ANKRD33B: variants seen among roughly 807,000 people sequenced by gnomAD.
The protein encoded by ANKRD33B is ankyrin repeat domain 33B, also known as ankyrin repeat domain-containing protein 33B.
Under a neutral mutation model 21.5 loss-of-function variants are expected in ANKRD33B, and 6 were observed. The ratio of observed to expected loss-of-function variants is 0.28; its 90% CI spans 0.15 to 0.55. ANKRD33B has a LOEUF of 0.55. Among genes scored for constraint, ANKRD33B ranks in the 20% least tolerant of loss-of-function variants. The pLI is 0.94. For synonymous variants in ANKRD33B, 347 were observed against 342.4 expected (o/e 1.01, Z -0.15); for missense variants, 698 against 747.2 (o/e 0.93, Z 0.77).
intron 3 of ANKRD33B, among the ~76,000 whole-genome samples, chr5:10,647,122 T>TG (rs1737205748): frequency 6.6e-6 from 1 of 152,108 alleles, no homozygotes; most frequent in Admixed American, 6.6e-5. Context: ...TTTTTTTTTT[T>TG]GAAATGGAGT....
At chr5:10,611,300 TCTTA>T (rs1343501971) in intron 1 of ANKRD33B, among the ~76,000 whole-genome samples, 1 of 152,174 alleles carries the variant, frequency 6.6e-6, no homozygotes, top group Non-Finnish European at 1.5e-5. Context: ...ATCTTACTTA[TCTTA>T]CTTTCTATTT....
intron 1 of ANKRD33B, among the ~76,000 whole-genome samples, chr5:10,579,068 G>A (rs938413156): frequency 6.6e-6 from 1 of 151,600 alleles, no homozygotes; most frequent in Admixed American, 6.6e-5. Context: ...GGAGGCTGAG[G>A]TTGGAGAATC....
At chr5:10,625,090 C>T (rs1214867565) in intron 2 of ANKRD33B, 2 of 250,104 alleles carry the variant, frequency 8.0e-6, no homozygotes, top group Non-Finnish European at 1.6e-5. Context: ...AGAGGCATCA[C>T]GGAATTAAAG....
chr5:10,575,974 C>A (rs966357323), intron 1 of ANKRD33B, among the ~76,000 whole-genome samples: 1 of 146,500 alleles, frequency 6.8e-6, no homozygotes, highest in Non-Finnish European at 1.5e-5. Context: ...TATAGATGGA[C>A]GTATACACAC....
rs181054749 is a variant in ANKRD33B, at chr5:10,648,673, C to G, written c.638-593C>G. Among the ~76,000 whole-genome samples, 937 of 151,386 alleles carry G rather than the reference C, an allele frequency of 6.2e-3. 11 individuals are homozygous for G. The highest frequency in any genetic ancestry group is 0.037 in the East Asian group (188 of 5,078). On this transcript the variant is annotated intron_variant, in intron 3 of 3. Coordinates refer to ENST00000296657, the MANE Select transcript of ANKRD33B (RefSeq NM_001164440.2). ...ACTCGGGAGGCTGAGGCAGGAGAGT[C>G]GCTTGAACCCGGGAGGCAGAGGTTG...
In ANKRD33B at chr5:10,650,208, C is replaced by T; in HGVS notation, c.*95C>T. ...GGAGGCGGCCCCGTTGCGCATCGCA[C>T]CACTTCCGCTCCATGGACCACGGGG... On this transcript the variant is annotated 3_prime_UTR_variant, in exon 4 of 4. Coordinates refer to ENST00000296657, the MANE Select transcript of ANKRD33B (RefSeq NM_001164440.2). 7.7e-7 allele frequency: 1 copy of T among 1,302,830 alleles called. No individual in the cohort carries two copies. Among genetic ancestry groups the T allele is most frequent in the Non-Finnish European group, 1.0e-6 (1 of 1,001,004 alleles). 80.7% of individuals were successfully genotyped at this position (1,302,830 alleles called of 1,614,324 possible). A position where few individuals can be genotyped will look rare whatever the true frequency, so the allele number is the denominator to read the frequency against.
At chr5:10,611,278 A>T (rs1306265755) in intron 1 of ANKRD33B, among the ~76,000 whole-genome samples, 1 of 152,152 alleles carries the variant, frequency 6.6e-6, no homozygotes, top group East Asian at 1.9e-4. Flanking sequence ...ACCAATGAAG[A>T]CATGGGTGTT....
In ANKRD33B at chr5:10,657,181, C is replaced by T. The variant is rs7735731; in HGVS notation, c.*7068C>T. On this transcript the variant is annotated 3_prime_UTR_variant, in exon 4 of 4. Transcript: ENST00000296657. ...GCGATGACAGGCCCAGAAATATGAC[C>T]AGCAAGCCCGTGAGCCTTTGGGGCA... The T allele has an allele frequency of 0.33, 50,924 of 152,242 alleles. 8,606 individuals are homozygous for T. The highest frequency in any genetic ancestry group is 0.41 in the African/African-American group (16,863 of 41,468). The allele number at this position is 152,242 out of a possible 1,614,324, so 9.4% of individuals were successfully genotyped here.
intron 2 of ANKRD33B, among the ~76,000 whole-genome samples, chr5:10,632,718 A>C (rs1206118856): frequency 1.3e-5 from 2 of 152,176 alleles, no homozygotes; most frequent in Non-Finnish European, 2.9e-5. Flanking sequence ...GCCAGCTGTG[A>C]ATCATGGTCC....
Position 10,651,268 on chromosome 5 carries a change from GT to G in ANKRD33B, c.*1158del, listed in dbSNP as rs1475581156. On this transcript the variant is annotated 3_prime_UTR_variant, in exon 4 of 4. Transcript: ENST00000296657. ...TTTTCCTTTGAGGACTGCGCTTGGTGTTTAGTTCATCCTTATGCCGACCTCT... is the reference window on the plus strand; with the variant it reads ...TTTTCCTTTGAGGACTGCGCTTGGTGTTAGTTCATCCTTATGCCGACCTCT... 3 of 152,370 alleles carry G rather than the reference GT, an allele frequency of 2.0e-5. No individual in the cohort carries two copies. The highest frequency in any genetic ancestry group is 7.2e-5 in the African/African-American group (3 of 41,452). 9.4% of individuals were successfully genotyped at this position (152,370 alleles called of 1,614,324 possible).
intron 1 of ANKRD33B, among the ~76,000 whole-genome samples, chr5:10,577,129 CCTTTT>C (rs1430140939): frequency 6.6e-6 from 1 of 151,710 alleles, no homozygotes; most frequent in Non-Finnish European, 1.5e-5. Context: ...TTCCCCTTCC[CCTTTT>C]CTTTTCTTCT....
At chr5:10,643,306 C>T (rs1375780278) in intron 3 of ANKRD33B, among the ~76,000 whole-genome samples, 1 of 152,134 alleles carries the variant, frequency 6.6e-6, no homozygotes, top group Non-Finnish European at 1.5e-5. Context: ...TCCCTGGCCT[C>T]TACCCACAAG....
rs932260836 is a variant in ANKRD33B at position 10,650,162 on chromosome 5, C to T, written c.*49C>T. Reference sequence around the variant, plus strand: ...GCCGGGGCTGGGGCCGGGGCGGGGCCGCAGGGCTGGGCGCGGAGAAGGAGG... The same window carrying T: ...GCCGGGGCTGGGGCCGGGGCGGGGCTGCAGGGCTGGGCGCGGAGAAGGAGG... On this transcript the variant is annotated 3_prime_UTR_variant, in exon 4 of 4. Coordinates refer to ENST00000296657, the MANE Select transcript of ANKRD33B (RefSeq NM_001164440.2). 4 of 1,415,636 alleles carry T rather than the reference C, an allele frequency of 2.8e-6. No individual in the cohort carries two copies. Among genetic ancestry groups the T allele is most frequent in the Non-Finnish European group, 9.2e-7 (1 of 1,091,282 alleles). 87.7% of individuals were successfully genotyped at this position (1,415,636 alleles called of 1,614,324 possible). A position where few individuals can be genotyped will look rare whatever the true frequency, so the allele number is the denominator to read the frequency against.
intron 3 of ANKRD33B, among the ~76,000 whole-genome samples, chr5:10,642,659 G>C (rs892820066): frequency 1.3e-5 from 2 of 152,184 alleles, no homozygotes; most frequent in Non-Finnish European, 2.9e-5. Context: ...ACAGCCCTCG[G>C]GTGCATGCTG....
At chr5:10,628,696 T>A (rs1345722326) in intron 2 of ANKRD33B, among the ~76,000 whole-genome samples, 2 of 152,190 alleles carry the variant, frequency 1.3e-5, no homozygotes, top group Non-Finnish European at 2.9e-5. Flanking sequence ...TGTTTCAGCC[T>A]TTTCATCTAA....
intron 1 of ANKRD33B, among the ~76,000 whole-genome samples, chr5:10,582,394 G>T (rs114885814): frequency 1.3e-5 from 2 of 152,200 alleles, no homozygotes; most frequent in Non-Finnish European, 2.9e-5. Context: ...TTTCCCAAGC[G>T]GGGGGGATGT....
intron 1 of ANKRD33B, among the ~76,000 whole-genome samples, chr5:10,606,753 G>A (rs1468158530): frequency 1.3e-5 from 2 of 150,328 alleles, no homozygotes; most frequent in African/African-American, 4.9e-5. Context: ...TTTTGAGGTG[G>A]AGTCTTGCTC....
At chr5:10,618,241 T>C in intron 1 of ANKRD33B, 92 bp from the exon 2 acceptor site, 1 of 1,502,250 alleles carries the variant, frequency 6.7e-7, no homozygotes, top group Non-Finnish European at 8.9e-7. Flanking sequence ...TCCAGCCCCC[T>C]GGAGGGTAGT....
chr5:10,592,140 G>A (rs1032906760), intron 1 of ANKRD33B, among the ~76,000 whole-genome samples: 2 of 151,972 alleles, frequency 1.3e-5, no homozygotes, highest in African/African-American at 4.8e-5. Flanking sequence ...TGTTGGTTGA[G>A]TCATCCATCA....
Sources: gnomAD v4.1 joint callset for allele counts (sites outside exome capture counted in the v4.1 genomes callset) on GRCh38, gnomAD v4.1.1 for gene constraint, MANE v1.5 for transcripts, NCBI Gene and HGNC (gene_info 2026-07-23, HGNC 2026-07-21) for gene names.